Variants in VAV3 observed in about 807,000 individuals in gnomAD.
VAV3 encodes guanine nucleotide exchange factor VAV3.
VAV3 carries 94 observed loss-of-function variants against 131.2 expected under a neutral mutation model. That is an observed-to-expected ratio of 0.72 (90% CI 0.61 to 0.85). The LOEUF (loss-of-function observed/expected upper bound fraction) is 0.85. Among genes scored for constraint, VAV3 ranks in the 40% least tolerant of loss-of-function variants. VAV3 has a pLI of 0.00. For missense variants in VAV3, 939 were observed against 1,002.7 expected (o/e 0.94, Z 0.86); for synonymous variants, 349 against 342.0 (o/e 1.02, Z -0.22).
chr1:107,684,208 G>A (rs908696705), intron 18 of VAV3, among the ~76,000 whole-genome samples: 2 of 152,300 alleles, frequency 1.3e-5, no homozygotes, highest in South Asian at 2.1e-4. Flanking sequence ...CTATGAAAAT[G>A]CATGGCTACA....
intron 1 of VAV3, among the ~76,000 whole-genome samples, chr1:107,902,587 T>C (rs955715011): frequency 1.3e-5 from 2 of 152,212 alleles, no homozygotes; most frequent in South Asian, 2.1e-4. Flanking sequence ...ATTCTTTACA[T>C]TGATTTATGA....
At chr1:107,908,431 T>G (rs745929373) in intron 1 of VAV3, among the ~76,000 whole-genome samples, 6 of 152,164 alleles carry the variant, frequency 3.9e-5, no homozygotes, top group Non-Finnish European at 7.3e-5. Flanking sequence ...TCAATGCTCT[T>G]CCTGCTAAAA....
intron 19 of VAV3, among the ~76,000 whole-genome samples, chr1:107,675,836 A>T (rs560983738): frequency 9.2e-5 from 14 of 152,356 alleles, no homozygotes; most frequent in South Asian, 2.1e-4. Context: ...TGACAGGGCT[A>T]CAAGAAGATC....
intron 18 of VAV3, among the ~76,000 whole-genome samples, chr1:107,686,116 CT>C (rs879539130): frequency 4.8e-4 from 73 of 151,776 alleles, no homozygotes; most frequent in Non-Finnish European, 9.1e-4. Flanking sequence ...ATTGCCTTAT[CT>C]TTCTTTCCCT....
At chr1:107,877,596 C>T (rs1008782544) in intron 1 of VAV3, among the ~76,000 whole-genome samples, 1 of 152,194 alleles carries the variant, frequency 6.6e-6, no homozygotes, top group South Asian at 2.1e-4. Context: ...TTACTTGTCC[C>T]TTAACTAGTT....
At chr1:107,734,903 C>T (rs1477923417) in intron 15 of VAV3, among the ~76,000 whole-genome samples, 11 of 152,334 alleles carry the variant, frequency 7.2e-5, no homozygotes, top group African/African-American at 2.4e-4. Flanking sequence ...ACACAATATA[C>T]ATTCTTCTCA....
intron 23 of VAV3, 64 bp downstream of exon 23, chr1:107,602,983 C>CCGCCTGGTT: frequency 7.5e-7 from 1 of 1,338,908 alleles, no homozygotes. Flanking sequence ...TTATACATGT[C>CCGCCTGGTT]AGATGGTCTA....
intron 1 of VAV3, among the ~76,000 whole-genome samples, chr1:107,940,313 C>A (rs1014035332): frequency 2.0e-5 from 3 of 152,162 alleles, no homozygotes; most frequent in Non-Finnish European, 4.4e-5. Context: ...CTATCATCTG[C>A]CCCACACCCA....
chr1:107,835,701 C>T (rs1359761785), intron 2 of VAV3, among the ~76,000 whole-genome samples: 1 of 152,180 alleles, frequency 6.6e-6, no homozygotes. Flanking sequence ...GAGGTCCCCA[C>T]AGCTGTCTGC....
intron 1 of VAV3, among the ~76,000 whole-genome samples, chr1:107,953,224 T>C (rs1232514940): frequency 6.6e-6 from 1 of 152,164 alleles, no homozygotes; most frequent in African/African-American, 2.4e-5. Context: ...CACATATCCA[T>C]TTCCTCCTCT....
chr1:107,864,737 C>A (rs1390105156), intron 2 of VAV3, among the ~76,000 whole-genome samples: 3 of 152,222 alleles, frequency 2.0e-5, no homozygotes, highest in Non-Finnish European at 4.4e-5. Flanking sequence ...CTTCCTCCAG[C>A]TGCTCATCAT....
intron 25 of VAV3, among the ~76,000 whole-genome samples, chr1:107,583,950 T>G (rs1191241016): frequency 1.3e-5 from 2 of 151,904 alleles, no homozygotes; most frequent in Non-Finnish European, 1.5e-5. Flanking sequence ...CATCGCCAAG[T>G]CAATCCTAAG....
intron 1 of VAV3, among the ~76,000 whole-genome samples, chr1:107,957,888 A>C (rs1207363118): frequency 6.6e-6 from 1 of 151,864 alleles, no homozygotes; most frequent in Non-Finnish European, 1.5e-5. Flanking sequence ...TCTTAAAAAA[A>C]AAAAAAGACA....
Position 107,641,233 on chromosome 1 carries a change from T to A in VAV3, c.1914+1386A>T, listed in dbSNP as rs540342737. ...CGTTCAATCTTTGGGCATTCTTATA[T>A]AACAAGATGACAGACAATAAAATAG... On this transcript the variant is annotated intron_variant, in intron 20 of 26. Coordinates refer to ENST00000370056, the MANE Select transcript of VAV3 (RefSeq NM_006113.5). Among the ~76,000 whole-genome samples the A allele has an allele frequency of 7.4e-4, 113 of 152,304 alleles. 1 individual carries two copies. Among genetic ancestry groups the A allele is most frequent in the African/African-American group, 2.7e-3 (112 of 41,588 alleles).
chr1:107,664,864 G>A (rs977576533), intron 19 of VAV3, among the ~76,000 whole-genome samples: 1 of 152,214 alleles, frequency 6.6e-6, no homozygotes, highest in Admixed American at 6.5e-5. Context: ...TATAGAAGTA[G>A]AGTAAATAGA....
intron 1 of VAV3, among the ~76,000 whole-genome samples, chr1:107,933,917 T>C (rs558296641): frequency 6.6e-6 from 1 of 151,424 alleles, no homozygotes; most frequent in East Asian, 1.9e-4. Flanking sequence ...ATAAGAGGAG[T>C]ACAGAAGTTA....
At chr1:107,889,405 G>A (rs928174337) in intron 1 of VAV3, among the ~76,000 whole-genome samples, 12 of 152,012 alleles carry the variant, frequency 7.9e-5, no homozygotes, top group Non-Finnish European at 1.3e-4. Flanking sequence ...CAGAAATGAA[G>A]AATGAATATA....
chr1:107,618,730 C>G (rs1653351945), intron 20 of VAV3, among the ~76,000 whole-genome samples: 2 of 152,134 alleles, frequency 1.3e-5, no homozygotes, highest in African/African-American at 2.4e-5. Flanking sequence ...CTAACAAGTA[C>G]AGAGCCATAA....
chr1:107,887,345 A>T (rs1242177221), intron 1 of VAV3, among the ~76,000 whole-genome samples: 1 of 152,246 alleles, frequency 6.6e-6, no homozygotes, highest in Non-Finnish European at 1.5e-5. Context: ...GTTGTTAAAA[A>T]CAGCAATATC....
Sources: allele counts gnomAD v4.1 joint callset (sites outside exome capture counted in the v4.1 genomes callset), GRCh38; gene constraint gnomAD v4.1.1; transcripts MANE v1.5; gene names NCBI Gene and HGNC (gene_info 2026-07-23, HGNC 2026-07-21).